The following CLUH variants were observed in gnomAD, a reference collection of about 807,000 sequenced individuals.
CLUH encodes the protein clustered mitochondria protein homolog.
A neutral mutation model predicts 139.3 loss-of-function variants in CLUH; 77 were observed. The ratio of observed to expected loss-of-function variants is 0.55; its 90% CI spans 0.46 to 0.67. The LOEUF (loss-of-function observed/expected upper bound fraction) is 0.67. Among genes scored for constraint, CLUH ranks in the 30% least tolerant of loss-of-function variants. The pLI is 0.00. For synonymous variants in CLUH, 999 were observed against 801.6 expected, an observed-to-expected ratio of 1.25 and a Z score of -4.16; for missense variants, 1,876 against 1,875.8, an observed-to-expected ratio of 1.00 and a Z score of 0.00.
In CLUH at chr17:2,691,989, GCCC is replaced by G; in HGVS notation, c.3654+12_3654+14del. ...CCCGCCCCGCCCCCGCCCCCGCCAC[GCCC>G]CCGCCGCGCACCTGCGTCTTGTAGA... On this transcript the variant is annotated intron_variant, in intron 23 of 25. Transcript: ENST00000651024. 8.2e-7 allele frequency: 1 copy of G among 1,213,082 alleles called. No individual in the cohort carries two copies. Among genetic ancestry groups the G allele is most frequent in the Non-Finnish European group, 1.1e-6 (1 of 921,718 alleles). The allele number at this position is 1,213,082 out of a possible 1,614,324, so 75.1% of individuals were successfully genotyped here. A position where few individuals can be genotyped will look rare whatever the true frequency, so the allele number is the denominator to read the frequency against.
Position 2,711,713 on chromosome 17 carries a change from C to T in CLUH, c.-52G>A. The stretch of plus-strand genomic sequence containing the variant: ...GCTGTCCGCGCCGCCCGCCGCGCCA[C>T]TAACCCAAGTGCCCTGCGCGCCGCG... On this transcript the variant is annotated 5_prime_UTR_variant, in exon 1 of 26. It adds an upstream start codon to the 5' untranslated region. Transcript: ENST00000651024. The T allele has an allele frequency of 3.2e-5, 26 of 805,964 alleles. No individual in the cohort carries two copies. Among genetic ancestry groups the T allele is most frequent in the Non-Finnish European group, 3.8e-5 (25 of 666,016 alleles). The allele number at this position is 805,964 out of a possible 1,614,324, so 49.9% of individuals were successfully genotyped here. A position where few individuals can be genotyped will look rare whatever the true frequency, so the allele number is the denominator to read the frequency against.
At position 2,691,662 on chromosome 17, in the gene CLUH, G is replaced by A. The variant is rs2069640203; in HGVS notation, c.3810C>T (p.Ala1270=). The A allele has an allele frequency of 1.9e-6, 3 of 1,612,488 alleles. No individual in the cohort carries two copies. The highest frequency in any genetic ancestry group is 1.3e-5 in the African/African-American group (1 of 74,958). ...TGACGTTCAGCTGCTCCAAGACGCT[G>A]GCCATGCTGGGGGCCGTGAACTGCG... is the stretch of plus-strand genomic sequence containing the variant. The part of the protein sequence containing the change: ...PPLKFTAPSM[A]SVLEQLNVIN... The change falls in exon 25 of 26, where the codon GCC becomes GCT. Residue 1270 remains alanine, a synonymous_variant. Coordinates refer to ENST00000651024, the MANE Select transcript of CLUH (RefSeq NM_001366661.1).
intron 1 of CLUH, among the ~76,000 whole-genome samples, chr17:2,708,860 C>CG (rs58322536): frequency 0.018 from 783 of 43,976 alleles, 8 homozygotes; most frequent in African/African-American, 0.028. Flanking sequence ...AGCCTCTACT[C>CG]GGGGGGGGGG....
Position 2,707,384 on chromosome 17 carries a change from C to A in CLUH, c.101-2820G>T. On this transcript the variant is annotated intron_variant, in intron 1 of 25. Transcript: ENST00000651024. This position sits in a 1 kb window ranked among gnomAD's most constrained non-coding sequence, Gnocchi z 7.4. ...GTGGGGCCAGGCCTGCCATGGCAGC[C>A]CCAGGAAGGGCACACTCCCCCTGCC... is the stretch of plus-strand genomic sequence containing the variant. 1.0e-6 allele frequency: 1 copy of A among 985,396 alleles called. No homozygotes were observed. Among genetic ancestry groups the A allele is most frequent in the Non-Finnish European group, 1.2e-6 (1 of 829,908 alleles). The allele number at this position is 985,396 out of a possible 1,614,324, so 61.0% of individuals were successfully genotyped here.
chr17:2,690,875 T>C lies in CLUH; in HGVS notation c.3864-98A>G, dbSNP rs959089496. 10 of 961,878 alleles carry C rather than the reference T, an allele frequency of 1.0e-5. No homozygotes were observed. In the East Asian group the frequency reaches 2.0e-4, roughly 20 times the overall value. 59.6% of individuals were successfully genotyped at this position (961,878 alleles called of 1,614,324 possible). A position where few individuals can be genotyped will look rare whatever the true frequency, so the allele number is the denominator to read the frequency against. On this transcript the variant is annotated intron_variant, in intron 25 of 25. Transcript: ENST00000651024. The stretch of plus-strand genomic sequence containing the variant: ...TGTGGGATAAGCTCAGGCTCTGCGC[T>C]CTATTCAGTGGGGAATGTGTGTGAA...
intron 1 of CLUH, among the ~76,000 whole-genome samples, chr17:2,709,070 G>A (rs531365478): frequency 1.8e-4 from 27 of 152,336 alleles, no homozygotes; most frequent in African/African-American, 5.8e-4. Flanking sequence ...AAGAGACAAA[G>A]CACACCCTTG....
At position 2,697,901 on chromosome 17, in the gene CLUH, C is replaced by G; in HGVS notation, c.1956G>C (p.Glu652Asp). The change falls in exon 10 of 26, where the codon GAG becomes GAC. Residue 652 changes from glutamate to aspartate, a missense_variant. This residue lies in a region of CLUH where 1,454 missense variants were observed against 1,384.4 expected (regional missense o/e 1.05). Transcript: ENST00000651024. ...LRQELVDAFVEHRYLLFMKLA... is the reference protein window; with the variant it reads ...LRQELVDAFVDHRYLLFMKLA... ...CCGGCAGGGCCGCCCCTCACCTGTG[C>G]TCCACGAAGGCGTCCACCAGCTCCT... 1 of 1,500,950 alleles carries G rather than the reference C, an allele frequency of 6.7e-7. No individual in the cohort carries two copies. Among genetic ancestry groups the G allele is most frequent in the Non-Finnish European group, 8.9e-7 (1 of 1,125,220 alleles). 93.0% of individuals were successfully genotyped at this position (1,500,950 alleles called of 1,614,324 possible). A position where few individuals can be genotyped will look rare whatever the true frequency, so the allele number is the denominator to read the frequency against.
rs1249062650 is a variant in CLUH at position 2,700,489 on chromosome 17, G to C, written c.1174-15C>G. ...CAGTCTCGGGTCTGCAGAGAGATCA[G>C]GGAGGGAAAAACGAGCTCAGCCTGT... is the stretch of plus-strand genomic sequence containing the variant. On this transcript the variant is annotated splice_polypyrimidine_tract_variant and intron_variant, in intron 8 of 25. Coordinates refer to ENST00000651024, the MANE Select transcript of CLUH (RefSeq NM_001366661.1). 3.1e-6 allele frequency: 5 copies of C among 1,607,102 alleles called. No individual in the cohort carries two copies. The highest frequency in any genetic ancestry group is 4.2e-6 in the Non-Finnish European group (5 of 1,177,836).
intron 9 of CLUH, 57 bp from the exon 10 acceptor site, chr17:2,698,647 A>G (rs2070064364): frequency 6.8e-7 from 1 of 1,466,142 alleles, no homozygotes; most frequent in Admixed American, 2.2e-5. Flanking sequence ...GCCTGCATCC[A>G]CCTGGCCAAG....
intron 22 of CLUH, 99 bp downstream of exon 22, chr17:2,692,262 C>G: frequency 6.9e-7 from 1 of 1,455,890 alleles, no homozygotes; most frequent in South Asian, 1.3e-5. Context: ...GAAATTTTCT[C>G]GGGTGGAGGA....
Position 2,697,930 on chromosome 17 carries a change from G to A in CLUH, c.1927C>T (p.Arg643Cys). 1.3e-6 allele frequency: 2 copies of A among 1,538,282 alleles called. No homozygotes were observed. The highest frequency in any genetic ancestry group is 1.7e-6 in the Non-Finnish European group (2 of 1,144,726). ...RAHRHKLCCLRQELVDAFVEH... is the reference protein window; with the variant it reads ...RAHRHKLCCLCQELVDAFVEH... ...ACGAAGGCGTCCACCAGCTCCTGGC[G>A]CAGGCAGCAGAGCTTGTGCCGGTGG... is the stretch of plus-strand genomic sequence containing the variant. Residue 643 changes from arginine to cysteine, a missense_variant, in exon 10 of 26, where the codon CGC (arginine) becomes TGC (cysteine). Arg to Cys is a radical substitution (Grantham distance 180). Transcript: ENST00000651024.
Position 2,704,106 on chromosome 17 carries a change from G to A in CLUH, c.303+256C>T, listed in dbSNP as rs1259193393. Among the ~76,000 whole-genome samples, 1 of 152,150 alleles carries A rather than the reference G, an allele frequency of 6.6e-6. No individual in the cohort carries two copies. The highest frequency in any genetic ancestry group is 1.5e-5 in the Non-Finnish European group (1 of 68,020). ...AGTCCTGGGATGCCAACACTTCCCA[G>A]CCACTATCACTCCCCTCCCCACATA... On this transcript the variant is annotated intron_variant, in intron 2 of 25. Coordinates refer to ENST00000651024, the MANE Select transcript of CLUH (RefSeq NM_001366661.1). This position sits in a 1 kb window ranked among gnomAD's most constrained non-coding sequence, Gnocchi z 5.7.
At chr17:2,694,668 G>A in intron 16 of CLUH, 104 bp from the exon 17 acceptor site, 1 of 1,308,362 alleles carries the variant, frequency 7.6e-7, no homozygotes, top group Non-Finnish European at 1.0e-6. Context: ...CCCCAACACT[G>A]CCCCACCCGG....
chr17:2,691,755 A>AC lies in CLUH; in HGVS notation c.3789+5dup. On this transcript the variant is annotated splice_donor_region_variant and intron_variant, in intron 24 of 25. Transcript: ENST00000651024. ...GGCCGGAGGGGCCGCTCCGCCCCGGACTCACCTTGAGGGGCGGGATGTTGG... is the reference window on the plus strand; with the variant it reads ...GGCCGGAGGGGCCGCTCCGCCCCGGACCTCACCTTGAGGGGCGGGATGTTGG... 6.3e-7 allele frequency: 1 copy of AC among 1,596,544 alleles called. No individual in the cohort carries two copies. Among genetic ancestry groups the AC allele is most frequent in the Non-Finnish European group, 8.5e-7 (1 of 1,172,232 alleles).
intron 15 of CLUH, 33 bp downstream of exon 15, chr17:2,695,185 G>A: frequency 5.0e-6 from 8 of 1,613,832 alleles, no homozygotes; most frequent in Non-Finnish European, 5.9e-6. Context: ...ACCCTGGGAG[G>A]CCATGGCCAG....
chr17:2,711,744 T>C lies in CLUH; in HGVS notation c.-83A>G. 1.5e-5 allele frequency: 8 copies of C among 551,012 alleles called. No homozygotes were observed. Among genetic ancestry groups the C allele is most frequent in the Non-Finnish European group, 1.6e-5 (7 of 433,226 alleles). The allele number at this position is 551,012 out of a possible 1,614,324, so 34.1% of individuals were successfully genotyped here. A position where few individuals can be genotyped will look rare whatever the true frequency, so the allele number is the denominator to read the frequency against. On this transcript the variant is annotated 5_prime_UTR_variant, in exon 1 of 26. Transcript: ENST00000651024. The stretch of plus-strand genomic sequence containing the variant: ...CAAGTGCCCTGCGCGCCGCGGCTGC[T>C]GAGGGAAGGACGGAGTCACCGGCCC...
chr17:2,696,014 C>T (rs2069926232), intron 13 of CLUH, 145 bp downstream of exon 13: 1 of 674,354 alleles, frequency 1.5e-6, no homozygotes, highest in Admixed American at 2.6e-5. Context: ...TCAGGCTCCC[C>T]ATCTGTCAAA....
At position 2,695,152 on chromosome 17, in the gene CLUH, GCT is replaced by G. The variant is rs2069886692; in HGVS notation, c.2608-53_2608-52del. ...ATGAGGGCCCTCAGCCCCACCTCAG[GCT>G]CTTTCCCGACGCCCCACACCACCCT... On this transcript the variant is annotated intron_variant, in intron 15 of 25. Coordinates refer to ENST00000651024, the MANE Select transcript of CLUH (RefSeq NM_001366661.1). 7 of 1,613,478 alleles carry G rather than the reference GCT, an allele frequency of 4.3e-6. No homozygotes were observed. In the Admixed American group the frequency reaches 1.2e-4, roughly 27 times the overall value.
chr17:2,709,399 A>G (rs1376845803), intron 1 of CLUH, among the ~76,000 whole-genome samples: 3 of 152,128 alleles, frequency 2.0e-5, no homozygotes, highest in Admixed American at 1.3e-4. Context: ...GGCCAGAGGC[A>G]GGCGTTCAGG....
Sources: allele counts gnomAD v4.1 joint callset (sites outside exome capture counted in the v4.1 genomes callset), GRCh38; gene constraint gnomAD v4.1.1; regional missense constraint gnomAD v4.1.1; non-coding constraint Gnocchi (gnomAD v3.1); transcripts MANE v1.5; gene names NCBI Gene and HGNC (gene_info 2026-07-23, HGNC 2026-07-21).